The following CLDN18 variants were observed in gnomAD, a reference collection of about 807,000 sequenced individuals.
CLDN18 encodes claudin 18.
A neutral mutation model predicts 25.0 loss-of-function variants in CLDN18; 20 were observed. The ratio of observed to expected loss-of-function variants is 0.80; its 90% CI spans 0.56 to 1.16. The LOEUF (loss-of-function observed/expected upper bound fraction) is 1.16. Ranked by LOEUF, CLDN18 falls within the 50% of genes most tolerant of loss-of-function variation. CLDN18 has a pLI of 0.00. For missense variants in CLDN18, 297 were observed against 345.4 expected, an observed-to-expected ratio of 0.86 and a Z score of 1.11; for synonymous variants, 125 against 135.6, an observed-to-expected ratio of 0.92 and a Z score of 0.54.
upstream of CLDN18, among the ~76,000 whole-genome samples, chr3:138,007,515 G>A (rs1942081688): frequency 6.6e-6 from 1 of 151,106 alleles, no homozygotes. Context: ...GACACAGGGA[G>A]GGGAACAACA....
chr3:138,022,541 GC>G (rs1258123274), intron 1 of CLDN18, among the ~76,000 whole-genome samples: 2 of 152,172 alleles, frequency 1.3e-5, no homozygotes, highest in Admixed American at 6.5e-5. Flanking sequence ...AGTTTGAAAA[GC>G]ACTGATGTAA....
intron 1 of CLDN18, among the ~76,000 whole-genome samples, chr3:138,017,821 C>T (rs939986435): frequency 6.6e-6 from 1 of 152,210 alleles, no homozygotes; most frequent in Admixed American, 6.5e-5. Context: ...AATGTTTACA[C>T]GTTATTGTAC....
rs1942418417 is a variant in CLDN18 at position 138,033,311 on chromosome 3, AAAGC to A, written c.*2174_*2177del. Reference sequence around the variant, plus strand: ...AGACAAGTCAACTAAAGAAAAAAGAAAAGCAAGGAGGAGGGTTGAGCAATCTAGA... The same window carrying A: ...AGACAAGTCAACTAAAGAAAAAAGAAAAGGAGGAGGGTTGAGCAATCTAGA... On this transcript the variant is annotated 3_prime_UTR_variant, in exon 5 of 5. Transcript: ENST00000183605. 6.6e-6 allele frequency: 1 copy of A among 152,240 alleles called. No individual in the cohort carries two copies. Among genetic ancestry groups the A allele is most frequent in the African/African-American group, 2.4e-5 (1 of 41,444 alleles). 9.4% of individuals were successfully genotyped at this position (152,240 alleles called of 1,614,324 possible).
intron 1 of CLDN18, among the ~76,000 whole-genome samples, chr3:138,002,176 A>G (rs1467018245): frequency 6.6e-6 from 1 of 152,226 alleles, no homozygotes; most frequent in Admixed American, 6.5e-5. Context: ...TGTCTGGGGT[A>G]GTGAGGTGTC....
At chr3:138,024,265 G>C (rs1013740548) in intron 2 of CLDN18, among the ~76,000 whole-genome samples, 7 of 152,008 alleles carry the variant, frequency 4.6e-5, no homozygotes, top group African/African-American at 1.7e-4. Flanking sequence ...TCCCTAAAAG[G>C]CATTTTCTTG....
At chr3:138,008,254 G>GGT (rs1468903683), upstream of CLDN18, among the ~76,000 whole-genome samples, 135 of 151,486 alleles carry the variant, frequency 8.9e-4, no homozygotes, top group African/African-American at 2.9e-3. Context: ...GGTGTGTGTG[G>GGT]GTGTGTGTGT....
At chr3:138,024,969 T>C (rs182052871) in intron 3 of CLDN18, among the ~76,000 whole-genome samples, 3 of 152,318 alleles carry the variant, frequency 2.0e-5, no homozygotes, top group Non-Finnish European at 4.4e-5. Flanking sequence ...CAGTTCATAG[T>C]ATTTATCTAA....
At chr3:138,018,512 AT>A (rs1449914858) in intron 1 of CLDN18, among the ~76,000 whole-genome samples, 1 of 151,416 alleles carries the variant, frequency 6.6e-6, no homozygotes, top group African/African-American at 2.4e-5. Context: ...AATTTTTTGT[AT>A]TTTTAGTAGA....
intron 1 of CLDN18, among the ~76,000 whole-genome samples, chr3:138,014,455 C>G (rs1210848003): frequency 6.6e-6 from 1 of 151,942 alleles, no homozygotes; most frequent in Non-Finnish European, 1.5e-5. Flanking sequence ...CCTACAAAAC[C>G]CAGCATGGCA....
upstream of CLDN18, among the ~76,000 whole-genome samples, chr3:138,007,100 G>T (rs551992682): frequency 6.6e-5 from 10 of 152,190 alleles, no homozygotes; most frequent in South Asian, 1.9e-3. Context: ...TCGGGGGAAG[G>T]TTAGACAAAT....
intron 3 of CLDN18, 38 bp downstream of exon 3, chr3:138,024,762 GA>G (rs758283236): frequency 8.4e-7 from 1 of 1,185,606 alleles, no homozygotes; most frequent in Non-Finnish European, 1.3e-6. Context: ...TCACCATGAT[GA>G]ATATTGTTAT....
chr3:138,019,288 T>G (rs1442524007), intron 1 of CLDN18, among the ~76,000 whole-genome samples: 3 of 152,224 alleles, frequency 2.0e-5, no homozygotes, highest in Non-Finnish European at 4.4e-5. Flanking sequence ...TCTGTGTCGA[T>G]TCCCTGGAAT....
Position 138,031,311 on chromosome 3 carries a change from T to TA in CLDN18, c.*173dup. ...TGGTCTTAGCCTCAGTCTCTGTCTCTAAATATTCCACCATAAAACAGCTGA... is the reference window on the plus strand; with the variant it reads ...TGGTCTTAGCCTCAGTCTCTGTCTCTAAAATATTCCACCATAAAACAGCTGA... On this transcript the variant is annotated 3_prime_UTR_variant, in exon 5 of 5. Coordinates refer to ENST00000183605, the MANE Select transcript of CLDN18 (RefSeq NM_016369.4). 4 of 473,420 alleles carry TA rather than the reference T, an allele frequency of 8.4e-6. No individual in the cohort carries two copies. Among genetic ancestry groups the TA allele is most frequent in the Non-Finnish European group, 1.5e-5 (4 of 274,204 alleles). 29.3% of individuals were successfully genotyped at this position (473,420 alleles called of 1,614,324 possible). A position where few individuals can be genotyped will look rare whatever the true frequency, so the allele number is the denominator to read the frequency against.
chr3:138,005,362 T>C (rs1195569637), upstream of CLDN18, among the ~76,000 whole-genome samples: 1 of 152,130 alleles, frequency 6.6e-6, no homozygotes, highest in African/African-American at 2.4e-5. Flanking sequence ...ACATTAGGTA[T>C]TTCTCCTAAT....
upstream of CLDN18, among the ~76,000 whole-genome samples, chr3:138,007,521 C>T (rs1211277737): frequency 9.0e-6 from 1 of 111,484 alleles, no homozygotes; most frequent in Non-Finnish European, 1.7e-5. Context: ...GGGAGGGGAA[C>T]AACATATACT....
Position 138,024,650 on chromosome 3 carries a change from G to A in CLDN18, c.429G>A (p.Leu143=), listed in dbSNP as rs2107887715. ...GAGTGTCTGTGTTTGCCAACATGCT[G>A]GTGACTAACTTCTGGATGTCCACAG... The part of the protein sequence containing the change: ...IAGVSVFANM[L]VTNFWMSTAN... Residue 143 remains leucine (L), a synonymous_variant, in exon 3 of 5, where the codon CTG becomes CTA. Coordinates refer to ENST00000183605, the MANE Select transcript of CLDN18 (RefSeq NM_016369.4). 1 of 1,613,868 alleles carries A rather than the reference G, an allele frequency of 6.2e-7. No individual in the cohort carries two copies. Among genetic ancestry groups the A allele is most frequent in the African/African-American group, 1.3e-5 (1 of 75,014 alleles).
chr3:138,018,741 T>G (rs1942239190), intron 1 of CLDN18, among the ~76,000 whole-genome samples: 1 of 152,206 alleles, frequency 6.6e-6, no homozygotes, highest in Non-Finnish European at 1.5e-5. Context: ...ATATAAATTT[T>G]GGAGGGAAAC....
chr3:138,028,461 G>A (rs59939160), intron 3 of CLDN18, among the ~76,000 whole-genome samples: 154 of 152,304 alleles, frequency 1.0e-3, no homozygotes, highest in African/African-American at 3.6e-3. Flanking sequence ...TTGGTATAAC[G>A]TTCTTAGCTT....
chr3:138,003,986 A>G (rs1942042886), intron 1 of CLDN18, among the ~76,000 whole-genome samples: 1 of 152,174 alleles, frequency 6.6e-6, no homozygotes, highest in Non-Finnish European at 1.5e-5. Flanking sequence ...AGCCTGACCA[A>G]CATGGTGAAA....
Sources: gnomAD v4.1 joint callset for allele counts (sites outside exome capture counted in the v4.1 genomes callset) on GRCh38, gnomAD v4.1.1 for gene constraint, MANE v1.5 for transcripts, NCBI Gene and HGNC (gene_info 2026-07-23, HGNC 2026-07-21) for gene names.